GAS7: variants seen among roughly 807,000 people sequenced by gnomAD.
GAS7 encodes growth arrest specific 7, also known as growth arrest-specific protein 7.
Under a neutral mutation model 71.1 loss-of-function variants are expected in GAS7, and 28 were observed. That is an observed-to-expected ratio of 0.39 (90% CI 0.29 to 0.54). The LOEUF (loss-of-function observed/expected upper bound fraction) is 0.54. GAS7 is among the 20% of genes least tolerant of loss of function. The pLI is 0.62. For missense variants in GAS7, 436 were observed against 627.8 expected (o/e 0.69, Z 3.27); for synonymous variants, 258 against 245.8 (o/e 1.05, Z -0.46).
intron 2 of GAS7, among the ~76,000 whole-genome samples, chr17:10,005,231 GTA>G (rs2071467749): frequency 1.4e-5 from 2 of 142,132 alleles, no homozygotes; most frequent in Admixed American, 6.7e-5. Flanking sequence ...GCATGTATGT[GTA>G]TGTGCGCGCA....
intron 1 of GAS7, among the ~76,000 whole-genome samples, chr17:10,022,227 C>G (rs574238458): frequency 6.6e-6 from 1 of 152,258 alleles, no homozygotes; most frequent in Admixed American, 6.5e-5. Flanking sequence ...GCACTCCAGC[C>G]TGGGTGACAG....
chr17:10,077,041 G>A lies in GAS7; in HGVS notation c.184-57144C>T, dbSNP rs114679939. 5.1e-3 allele frequency among the ~76,000 whole-genome samples: 772 copies of A among 152,254 alleles called. 7 individuals carry two copies. The highest frequency in any genetic ancestry group is 0.017 in the African/African-American group (723 of 41,526). ...TATCTAAAAAGTATAAAGATATGTT[G>A]CTTTGGCCACTTCTTTGGGCTTCAC... On this transcript the variant is annotated intron_variant, in intron 1 of 13. Transcript: ENST00000432992.
At chr17:10,046,655 G>A (rs1324018420) in intron 1 of GAS7, among the ~76,000 whole-genome samples, 1 of 150,196 alleles carries the variant, frequency 6.7e-6, no homozygotes, top group African/African-American at 2.5e-5. Context: ...AGAATTGCTT[G>A]AACCTGGGAG....
intron 1 of GAS7, among the ~76,000 whole-genome samples, chr17:10,136,062 C>A (rs534943603): frequency 6.6e-6 from 1 of 152,118 alleles, no homozygotes; most frequent in African/African-American, 2.4e-5. Flanking sequence ...CCAGACACTC[C>A]GAATAAAAAC....
At chr17:9,970,457 C>T (rs1172679566) in intron 3 of GAS7, among the ~76,000 whole-genome samples, 1 of 152,016 alleles carries the variant, frequency 6.6e-6, no homozygotes, top group African/African-American at 2.4e-5. Flanking sequence ...TGGTGAAACC[C>T]TGTCTCTACT....
At chr17:9,983,009 C>T (rs910863558) in intron 2 of GAS7, among the ~76,000 whole-genome samples, 17 of 152,136 alleles carry the variant, frequency 1.1e-4, no homozygotes, top group African/African-American at 3.9e-4. Context: ...TTTCTCACTA[C>T]ATACAATTTG....
intron 4 of GAS7, among the ~76,000 whole-genome samples, chr17:9,961,269 T>G (rs1396416252): frequency 6.6e-6 from 1 of 152,026 alleles, no homozygotes; most frequent in African/African-American, 2.4e-5. Flanking sequence ...CCCTATACCT[T>G]CCCACTTGAC....
rs1043030029 is a variant in GAS7, at chr17:10,198,333, C to T, written c.58G>A (p.Gly20Arg). The change falls in exon 1 of 14, where the codon GGG (glycine) becomes AGG (arginine). Residue 20 changes from glycine (G) to arginine (R), a missense_variant. Gly to Arg is a moderately radical substitution (Grantham distance 125, BLOSUM62 -2). Coordinates refer to ENST00000432992, the MANE Select transcript of GAS7 (RefSeq NM_201433.2). ...AGCTCGCCCGCGGCGAAGCGCAGCC[C>T]CTGGCCGTGCCGCTCCCCGGAGAAG... ...YPFSGERHGQ[G>R]LRFAAGELIT... is the part of the protein sequence containing the mutation. 3.7e-6 allele frequency: 6 copies of T among 1,600,008 alleles called. No individual in the cohort carries two copies. The African/African-American group carries it at 6.7e-5, about 18-fold the overall frequency.
intron 11 of GAS7, among the ~76,000 whole-genome samples, chr17:9,923,827 A>G (rs2067904481): frequency 6.6e-6 from 1 of 152,232 alleles, no homozygotes; most frequent in African/African-American, 2.4e-5. Context: ...GTACAATAAC[A>G]CAGCTTCACT....
At chr17:10,066,326 A>G (rs1048267939) in intron 1 of GAS7, among the ~76,000 whole-genome samples, 6 of 152,264 alleles carry the variant, frequency 3.9e-5, no homozygotes, top group Non-Finnish European at 1.5e-5. Context: ...AATTACAGGC[A>G]TGCGTCACCA....
intron 3 of GAS7, among the ~76,000 whole-genome samples, chr17:9,973,060 G>A (rs145542943): frequency 2.0e-5 from 3 of 152,216 alleles, no homozygotes; most frequent in Admixed American, 1.3e-4. Flanking sequence ...ACAGGAGAAC[G>A]GAATAGAAAA....
intron 1 of GAS7, among the ~76,000 whole-genome samples, chr17:10,071,783 A>G (rs1274348727): frequency 1.3e-5 from 2 of 151,670 alleles, no homozygotes; most frequent in East Asian, 3.9e-4. Flanking sequence ...AATAATAAAC[A>G]AAAATTAGCT....
At chr17:10,143,945 CT>C (rs929199492) in intron 1 of GAS7, among the ~76,000 whole-genome samples, 3 of 152,190 alleles carry the variant, frequency 2.0e-5, no homozygotes, top group Non-Finnish European at 4.4e-5. Context: ...AAGGAGGGGG[CT>C]TAAGGTAGGC....
At chr17:10,109,942 T>C (rs1387215402) in intron 1 of GAS7, among the ~76,000 whole-genome samples, 1 of 150,838 alleles carries the variant, frequency 6.6e-6, no homozygotes, top group East Asian at 2.0e-4. Flanking sequence ...TAATCCCAGC[T>C]ATTCGGGAGG....
At chr17:10,126,375 C>CG (rs147825840) in intron 1 of GAS7, among the ~76,000 whole-genome samples, 3 of 97,118 alleles carry the variant, frequency 3.1e-5, no homozygotes, top group South Asian at 3.4e-4. Flanking sequence ...TGCACACACA[C>CG]CCACACACTC....
At chr17:10,086,515 C>T (rs1250151899) in intron 1 of GAS7, among the ~76,000 whole-genome samples, 1 of 152,112 alleles carries the variant, frequency 6.6e-6, no homozygotes, top group African/African-American at 2.4e-5. Flanking sequence ...CTTCCTCAAT[C>T]GGCAGAAAGA....
chr17:10,047,084 G>A (rs2072986470), intron 1 of GAS7, among the ~76,000 whole-genome samples: 1 of 152,048 alleles, frequency 6.6e-6, no homozygotes, highest in Non-Finnish European at 1.5e-5. Context: ...GATGCTGTCT[G>A]AGAGGACTGC....
chr17:10,083,111 C>T (rs903111124), intron 1 of GAS7, among the ~76,000 whole-genome samples: 14 of 152,130 alleles, frequency 9.2e-5, no homozygotes, highest in African/African-American at 2.4e-4. Flanking sequence ...TTGGCCTGTA[C>T]GCATGTAATA....
chr17:9,961,164 T>C (rs1263043717), intron 4 of GAS7, among the ~76,000 whole-genome samples: 1 of 152,186 alleles, frequency 6.6e-6, no homozygotes, highest in Non-Finnish European at 1.5e-5. Flanking sequence ...GCAACTCCTC[T>C]AGTGACCCCA....
Sources: allele counts gnomAD v4.1 joint callset (sites outside exome capture counted in the v4.1 genomes callset), GRCh38; gene constraint gnomAD v4.1.1; transcripts MANE v1.5; gene names NCBI Gene and HGNC (gene_info 2026-07-23, HGNC 2026-07-21).